The following ARSL variants were observed in gnomAD, a reference collection of about 807,000 sequenced individuals.
The protein encoded by ARSL is arylsulfatase L.
ARSL carries 4 observed loss-of-function variants against 31.1 expected under a neutral mutation model. The observed-to-expected ratio is 0.13, with a 90% CI of 0.06 to 0.29. ARSL has a LOEUF of 0.29. ARSL is among the 10% of genes least tolerant of loss of function. The pLI is 1.00. For missense variants in ARSL, 312 were observed against 497.8 expected, an observed-to-expected ratio of 0.63 and a Z score of 3.55; for synonymous variants, 198 against 209.9, an observed-to-expected ratio of 0.94 and a Z score of 0.49.
chrX:2,944,460 A>T (rs1467195485), intron 7 of ARSL, among the ~76,000 whole-genome samples: 3 of 57,879 alleles, frequency 5.2e-5, no homozygotes, highest in Non-Finnish European at 1.3e-4. Context: ...TCTCAAAAAA[A>T]AAACAAAAAA....
chrX:2,937,274 A>G (rs1056284848), intron 9 of ARSL, among the ~76,000 whole-genome samples: 5 of 110,012 alleles, frequency 4.5e-5, no homozygotes, highest in South Asian at 4.0e-4. Context: ...TGTGCCTGTA[A>G]TCCCAGCTAC....
chrX:2,948,980 T>G (rs974218814), intron 6 of ARSL, among the ~76,000 whole-genome samples: 2 of 109,739 alleles, frequency 1.8e-5, no homozygotes, highest in Non-Finnish European at 3.8e-5. Context: ...TGGAGTGCAG[T>G]GATGTGACCT....
intron 8 of ARSL, among the ~76,000 whole-genome samples, chrX:2,939,725 G>A (rs1412349876): frequency 9.0e-6 from 1 of 111,126 alleles, no homozygotes; most frequent in Non-Finnish European, 1.9e-5. Flanking sequence ...GACAAAATGT[G>A]TAAGCACAAC....
chrX:2,938,126 G>A lies in ARSL; in HGVS notation c.1258C>T (p.Arg420Trp), dbSNP rs778253985. The A allele has an allele frequency of 5.8e-5, 70 of 1,210,189 alleles. No individual in the cohort carries two copies. Among genetic ancestry groups the A allele is most frequent in the Non-Finnish European group, 7.1e-5 (64 of 895,273 alleles). ...SLMDVFPTVVRLAGGEVPQDR... is the reference protein window; with the variant it reads ...SLMDVFPTVVWLAGGEVPQDR... ...TGGGGCACCTCGCCGCCCGCCAGCC[G>A]GACCACGGTGGGGAACACGTCCATC... Residue 420 changes from arginine (R) to tryptophan (W), a missense_variant, in exon 9 of 11, where the codon CGG becomes TGG. Physicochemically the swap from Arg to Trp is moderately radical, Grantham distance 101 (BLOSUM62 -3). Transcript: ENST00000381134.
chrX:2,959,325 G>A (rs2089569412), intron 2 of ARSL, among the ~76,000 whole-genome samples: 2 of 111,955 alleles, frequency 1.8e-5, no homozygotes, highest in South Asian at 7.5e-4. Context: ...GGGTTTGGAG[G>A]TGAAGGAGGT....
chrX:2,952,800 T>G, intron 5 of ARSL: 1 of 170,744 alleles, frequency 5.9e-6, no homozygotes. Flanking sequence ...CATGAGCACA[T>G]TTTATTTATT....
At chrX:2,945,890 G>GT in intron 7 of ARSL, 108 bp downstream of exon 7, 1 of 1,056,216 alleles carries the variant, frequency 9.5e-7, no homozygotes, top group South Asian at 1.9e-5. Context: ...CAATCGCACT[G>GT]CAATCGCTAT....
intron 5 of ARSL, among the ~76,000 whole-genome samples, chrX:2,951,615 A>C (rs1415496538): frequency 4.1e-5 from 3 of 73,281 alleles, no homozygotes; most frequent in Non-Finnish European, 6.7e-5. Flanking sequence ...CCATCTCTAC[A>C]AAAAAAAAAA....
intron 1 of ARSL, 129 bp from the exon 2 acceptor site, chrX:2,960,549 A>G: frequency 1.6e-6 from 1 of 615,746 alleles, no homozygotes; most frequent in Non-Finnish European, 2.6e-6. Context: ...AAATATCTTA[A>G]AACAATGATC....
chrX:2,956,190 C>T (rs1311419180), intron 3 of ARSL, among the ~76,000 whole-genome samples: 1 of 111,870 alleles, frequency 8.9e-6, no homozygotes, highest in Non-Finnish European at 1.9e-5. Context: ...ACTTCATGGA[C>T]GCCAACACAC....
chrX:2,966,659 T>C (rs1390349258), upstream of ARSL, among the ~76,000 whole-genome samples: 1 of 107,905 alleles, frequency 9.3e-6, no homozygotes, highest in Non-Finnish European at 1.9e-5. Flanking sequence ...TATATAAATA[T>C]ATAATAAAGC....
In ARSL at chrX:2,936,815, T is replaced by C. The variant is rs1428847578; in HGVS notation, c.1338A>G (p.Gln446=). The part of the protein sequence containing the change: ...DLLPLLLGTA[Q]HSDHEFLMHY... ...GCATCAGGAACTCGTGGTCTGAGTG[T>C]TGGGCTGTCCCCAGGAGCAAGGGCA... Residue 446 remains glutamine, a synonymous_variant, in exon 10 of 11, where the codon CAA becomes CAG. Transcript: ENST00000381134. 7.4e-6 allele frequency: 9 copies of C among 1,210,057 alleles called. No individual in the cohort carries two copies. Among genetic ancestry groups the C allele is most frequent in the Admixed American group, 2.2e-5 (1 of 45,758 alleles).
Position 2,964,256 on chromosome X carries a change from T to A in ARSL, c.-53A>T. 1.3e-6 allele frequency: 1 copy of A among 754,061 alleles called. No individual in the cohort carries two copies. The highest frequency in any genetic ancestry group is 1.6e-6 in the Non-Finnish European group (1 of 639,305). 62.1% of individuals were successfully genotyped at this position (754,061 alleles called of 1,213,427 possible). A position where few individuals can be genotyped will look rare whatever the true frequency, so the allele number is the denominator to read the frequency against. ...CCTGGGCTCCTTCCTGAATCCCCGA[T>A]CAAGAAGAGGAAGGTTCTCTCCCAA... On this transcript the variant is annotated 5_prime_UTR_variant, in exon 1 of 11. Coordinates refer to ENST00000381134, the MANE Select transcript of ARSL (RefSeq NM_000047.3).
chrX:2,964,051 G>C (rs144124983), intron 1 of ARSL, among the ~76,000 whole-genome samples, 173 bp downstream of exon 1: 124 of 111,410 alleles, frequency 1.1e-3, no homozygotes, highest in Middle Eastern at 9.2e-3. Context: ...CCTTCTCCAG[G>C]AAAGAGCTGC....
intron 10 of ARSL, 117 bp downstream of exon 10, chrX:2,936,625 G>C: frequency 9.9e-7 from 1 of 1,005,606 alleles, no homozygotes; most frequent in Non-Finnish European, 1.4e-6. Context: ...GAAGTGCGGA[G>C]ACATGGAGAT....
intron 4 of ARSL, 88 bp from the exon 5 acceptor site, chrX:2,953,353 G>A (rs1310982673): frequency 3.9e-6 from 4 of 1,022,623 alleles, no homozygotes; most frequent in South Asian, 4.2e-5. Context: ...TAGAACACTT[G>A]GTAAAAATCT....
intron 3 of ARSL, among the ~76,000 whole-genome samples, chrX:2,956,429 A>G (rs1465764128): frequency 9.0e-6 from 1 of 111,443 alleles, no homozygotes; most frequent in East Asian, 2.8e-4. Flanking sequence ...TTCTGCTTAC[A>G]GGCAACGACA....
At chrX:2,946,322 CTTTTTTTTTT>C (rs747661858) in intron 6 of ARSL, among the ~76,000 whole-genome samples, 188 bp from the exon 7 acceptor site, 946 of 69,088 alleles carry the variant, frequency 0.014, 11 homozygotes, top group Non-Finnish European at 0.019. Flanking sequence ...AACAATCTTC[CTTTTTTTTTT>C]TTTTTTTTTT....
At chrX:2,935,216 G>A in intron 10 of ARSL, 26 bp from the exon 11 acceptor site, 1 of 1,199,684 alleles carries the variant, frequency 8.3e-7, no homozygotes. Flanking sequence ...TCATTACAGA[G>A]TTGGCATAGA....
Sources: gnomAD v4.1 joint callset for allele counts (sites outside exome capture counted in the v4.1 genomes callset) on GRCh38, gnomAD v4.1.1 for gene constraint, MANE v1.5 for transcripts, NCBI Gene and HGNC (gene_info 2026-07-23, HGNC 2026-07-21) for gene names.